Variants in IPO11 observed in about 807,000 individuals in gnomAD.
IPO11 encodes importin-11.
Under a neutral mutation model 143.2 loss-of-function variants are expected in IPO11, and 66 were observed. The observed-to-expected ratio is 0.46, with a 90% confidence interval of 0.38 to 0.57. IPO11 has a LOEUF of 0.57. Among genes scored for constraint, IPO11 ranks in the 20% least tolerant of loss-of-function variants. IPO11 has a pLI of 0.00. For synonymous variants in IPO11, 385 were observed against 377.8 expected (o/e 1.02, Z -0.22); for missense variants, 1,026 against 1,141.0 (o/e 0.90, Z 1.45).
chr5:62,413,065 G>A, intron 1 of IPO11, 136 bp downstream of exon 1: 1 of 152,600 alleles, frequency 6.6e-6, no homozygotes, highest in Non-Finnish European at 1.5e-5. Context: ...AGGGCGGCCT[G>A]CAGACTTGGC....
chr5:62,476,912 T>C (rs1250004449), intron 9 of IPO11, among the ~76,000 whole-genome samples, 159 bp downstream of exon 9: 3 of 152,196 alleles, frequency 2.0e-5, no homozygotes, highest in Non-Finnish European at 4.4e-5. Context: ...ATATGTACTT[T>C]AGAATGCATA....
chr5:62,568,715 C>G (rs1199164266), intron 27 of IPO11, among the ~76,000 whole-genome samples: 1 of 152,076 alleles, frequency 6.6e-6, no homozygotes, highest in African/African-American at 2.4e-5. Context: ...TTGCACATCT[C>G]CATCTTTTCA....
chr5:62,619,341 A>G (rs946571430), intron 29 of IPO11, among the ~76,000 whole-genome samples: 9 of 152,308 alleles, frequency 5.9e-5, no homozygotes, highest in Middle Eastern at 3.4e-3. Context: ...ATCCTATTTT[A>G]AAGAATAGAT....
intron 6 of IPO11, among the ~76,000 whole-genome samples, chr5:62,468,930 T>A (rs1745662244): frequency 6.6e-6 from 1 of 152,238 alleles, no homozygotes; most frequent in Admixed American, 6.5e-5. Flanking sequence ...TTTAGTATCT[T>A]TTAGACATGG....
intron 1 of IPO11, among the ~76,000 whole-genome samples, chr5:62,421,342 C>G (rs1354508168): frequency 6.6e-6 from 1 of 152,146 alleles, no homozygotes; most frequent in African/African-American, 2.4e-5. Flanking sequence ...TTCAATGACT[C>G]CATCAATTTC....
chr5:62,551,260 T>C lies in IPO11; in HGVS notation c.2384T>C (p.Met795Thr), dbSNP rs749608960. Residue 795 changes from methionine (M) to threonine (T), a missense_variant, in exon 26 of 30, where the codon ATG becomes ACG. Met to Thr is a moderately conservative substitution (Grantham distance 81). Coordinates refer to ENST00000325324, the MANE Select transcript of IPO11 (RefSeq NM_016338.5). The part of the protein sequence containing the change: ...PVVMSTYLGV[M>T]GRVLLQNTSF... The stretch of plus-strand genomic sequence containing the variant: ...GTGATGTCCACGTATCTTGGAGTTA[T>C]GGGTCGAGTTCTACTACAAAACACT... The C allele has an allele frequency of 1.6e-5, 26 of 1,610,210 alleles. No homozygotes were observed. The highest frequency in any genetic ancestry group is 1.6e-5 in the Non-Finnish European group (19 of 1,177,612).
At chr5:62,537,415 G>T (rs1244172196) in intron 24 of IPO11, 126 bp downstream of exon 24, 2 of 621,740 alleles carry the variant, frequency 3.2e-6, no homozygotes, top group Non-Finnish European at 5.6e-6. Flanking sequence ...GGCTATTTTG[G>T]CAGTTTTCAG....
chr5:62,532,080 A>G (rs544132130), intron 22 of IPO11, among the ~76,000 whole-genome samples: 1 of 152,256 alleles, frequency 6.6e-6, no homozygotes, highest in South Asian at 2.1e-4. Flanking sequence ...CCCTTTTACC[A>G]ACTTTGTCGT....
At chr5:62,508,383 AG>A (rs1741631834) in intron 19 of IPO11, among the ~76,000 whole-genome samples, 2 of 151,364 alleles carry the variant, frequency 1.3e-5, no homozygotes, top group Non-Finnish European at 2.9e-5. Context: ...CCTGGGCTCA[AG>A]GGATCCACCC....
rs76408663 is a variant in IPO11 at position 62,423,570 on chromosome 5, G to T, written c.-7+10641G>T. Among the ~76,000 whole-genome samples the T allele has an allele frequency of 6.9e-3, 1,057 of 152,214 alleles. 10 individuals are homozygous for T. Among genetic ancestry groups the T allele is most frequent in the African/African-American group, 0.025 (1,022 of 41,532 alleles). Reference sequence around the variant, plus strand: ...TTTAGTGATCTCTGTGTCCGTTAGCGGCCATTTTAAAAAGCATACATAAAA... The same window carrying T: ...TTTAGTGATCTCTGTGTCCGTTAGCTGCCATTTTAAAAAGCATACATAAAA... On this transcript the variant is annotated intron_variant, in intron 1 of 29. Coordinates refer to ENST00000325324, the MANE Select transcript of IPO11 (RefSeq NM_016338.5).
At chr5:62,570,153 C>T (rs1046547826) in intron 27 of IPO11, among the ~76,000 whole-genome samples, 16 of 152,146 alleles carry the variant, frequency 1.1e-4, no homozygotes, top group African/African-American at 3.9e-4. Context: ...TGGATGCTCA[C>T]TCCTTTCATC....
chr5:62,560,305 C>T (rs568508075), intron 26 of IPO11, among the ~76,000 whole-genome samples: 16 of 152,204 alleles, frequency 1.1e-4, no homozygotes, highest in Admixed American at 8.5e-4. Flanking sequence ...ACATAATTTT[C>T]GGGGCTGGTA....
At chr5:62,531,863 G>C (rs975381919) in intron 22 of IPO11, among the ~76,000 whole-genome samples, 1 of 152,062 alleles carries the variant, frequency 6.6e-6, no homozygotes, top group African/African-American at 2.4e-5. Flanking sequence ...TTTGCTCTTT[G>C]TTATCTAGAG....
chr5:62,588,492 C>T (rs1033088268), intron 27 of IPO11, among the ~76,000 whole-genome samples: 1 of 152,186 alleles, frequency 6.6e-6, no homozygotes, highest in African/African-American at 2.4e-5. Flanking sequence ...CTCAGCCTCC[C>T]GAAGTGCTGG....
intron 5 of IPO11, among the ~76,000 whole-genome samples, chr5:62,455,391 C>T (rs759841696): frequency 2.6e-5 from 4 of 152,228 alleles, no homozygotes; most frequent in African/African-American, 4.8e-5. Flanking sequence ...GGCATGGTGG[C>T]GCACGCCTGT....
intron 27 of IPO11, among the ~76,000 whole-genome samples, chr5:62,569,748 T>A (rs1051026026): frequency 1.3e-5 from 2 of 152,242 alleles, no homozygotes; most frequent in African/African-American, 2.4e-5. Context: ...AAGATTACTT[T>A]GAAGTTTCAG....
rs377246452 is a variant in IPO11 at position 62,493,982 on chromosome 5, A to AT, written c.1464-10dup. On this transcript the variant is annotated splice_polypyrimidine_tract_variant and intron_variant, in intron 15 of 29. Transcript: ENST00000325324. ...AAATATTTAACATTTTAATTTCATG[A>AT]TTTTTTCCTGTTTAGGTATAAGCCA... The AT allele has an allele frequency of 1.9e-6, 3 of 1,591,372 alleles. No individual in the cohort carries two copies. Among genetic ancestry groups the AT allele is most frequent in the South Asian group, 1.2e-5 (1 of 85,512 alleles).
chr5:62,454,746 TAC>T (rs887971453), intron 5 of IPO11, among the ~76,000 whole-genome samples: 1 of 152,230 alleles, frequency 6.6e-6, no homozygotes, highest in African/African-American at 2.4e-5. Flanking sequence ...TCAGATTCAC[TAC>T]AGTGTAGCTT....
intron 1 of IPO11, among the ~76,000 whole-genome samples, chr5:62,420,291 CAAA>C (rs1187591087): frequency 8.7e-5 from 6 of 68,914 alleles, no homozygotes; most frequent in East Asian, 4.5e-4. Flanking sequence ...AGCTCCGTCT[CAAA>C]AAAAAAAAAA....
Sources: gnomAD v4.1 joint callset for allele counts (sites outside exome capture counted in the v4.1 genomes callset) on GRCh38, gnomAD v4.1.1 for gene constraint, MANE v1.5 for transcripts, NCBI Gene and HGNC (gene_info 2026-07-23, HGNC 2026-07-21) for gene names.